The following ADAMTS20 variants were observed in gnomAD, a reference collection of about 807,000 sequenced individuals.
The protein encoded by ADAMTS20 is ADAM metallopeptidase with thrombospondin type 1 motif 20, also known as A disintegrin and metalloproteinase with thrombospondin motifs 20.
Under a neutral mutation model 260.1 loss-of-function variants are expected in ADAMTS20, and 225 were observed. The observed-to-expected ratio is 0.87, with a 90% CI of 0.78 to 0.97. The LOEUF is 0.97. Among genes scored for constraint, ADAMTS20 ranks in the 50% least tolerant of loss-of-function variants. The pLI is 0.00. For missense variants in ADAMTS20, 2,400 were observed against 2,337.7 expected (o/e 1.03, Z -0.55); for synonymous variants, 802 against 769.5 (o/e 1.04, Z -0.70).
At chr12:43,517,462 C>T (rs1943014949) in intron 3 of ADAMTS20, among the ~76,000 whole-genome samples, 2 of 151,796 alleles carry the variant, frequency 1.3e-5, no homozygotes, top group Non-Finnish European at 2.9e-5. Flanking sequence ...AAAGAAAACC[C>T]ACCAAATGCC....
chr12:43,416,831 T>C (rs1280858879), intron 28 of ADAMTS20, among the ~76,000 whole-genome samples: 2 of 152,194 alleles, frequency 1.3e-5, no homozygotes, highest in African/African-American at 4.8e-5. Flanking sequence ...CAAACTGAAC[T>C]ACTTTTTTCT....
At chr12:43,491,042 T>C (rs545807203) in intron 6 of ADAMTS20, among the ~76,000 whole-genome samples, 1 of 152,240 alleles carries the variant, frequency 6.6e-6, no homozygotes, top group South Asian at 2.1e-4. Context: ...AATTCTACTT[T>C]AGTTTTGAAA....
chr12:43,516,284 C>T (rs933811154), intron 3 of ADAMTS20, among the ~76,000 whole-genome samples: 6 of 152,176 alleles, frequency 3.9e-5, no homozygotes, highest in African/African-American at 9.7e-5. Flanking sequence ...TGAATGCAGC[C>T]CAGTCAGACG....
intron 18 of ADAMTS20, among the ~76,000 whole-genome samples, chr12:43,436,930 A>G (rs901088903): frequency 2.0e-5 from 3 of 152,194 alleles, no homozygotes; most frequent in African/African-American, 7.2e-5. Flanking sequence ...GACATATGAG[A>G]GGGCTACTTA....
rs1943041214 is a variant in ADAMTS20, at chr12:43,519,385, C to T, written c.613+12651G>A. ...TGATTTCCTACAACCCTCTTTCCTCCCTCACTGCACTTGTACAGGATAGTC... is the reference window on the plus strand; with the variant it reads ...TGATTTCCTACAACCCTCTTTCCTCTCTCACTGCACTTGTACAGGATAGTC... On this transcript the variant is annotated intron_variant, in intron 3 of 38. Coordinates refer to ENST00000389420, the MANE Select transcript of ADAMTS20 (RefSeq NM_025003.5). Among the ~76,000 whole-genome samples, 3 of 152,188 alleles carry T rather than the reference C, an allele frequency of 2.0e-5. No homozygotes were observed. In the South Asian group the frequency reaches 6.2e-4, roughly 32 times the overall value.
At chr12:43,355,134 G>T (rs1939717147) in intron 38 of ADAMTS20, among the ~76,000 whole-genome samples, 1 of 152,192 alleles carries the variant, frequency 6.6e-6, no homozygotes, top group Non-Finnish European at 1.5e-5. Context: ...TTTTGAGATG[G>T]AAGAATGTTT....
chr12:43,403,077 T>C (rs1940843992), intron 28 of ADAMTS20, among the ~76,000 whole-genome samples: 1 of 152,154 alleles, frequency 6.6e-6, no homozygotes, highest in African/African-American at 2.4e-5. Flanking sequence ...TTTAGAGTTG[T>C]TCTAGTTGGC....
chr12:43,358,381 T>A (rs1170970977), intron 37 of ADAMTS20, among the ~76,000 whole-genome samples: 2 of 152,106 alleles, frequency 1.3e-5, no homozygotes, highest in East Asian at 1.9e-4. Context: ...TCAAAAAAAA[T>A]GGTAAAACAA....
chr12:43,499,403 A>G (rs191758378), intron 4 of ADAMTS20, among the ~76,000 whole-genome samples: 1 of 152,238 alleles, frequency 6.6e-6, no homozygotes, highest in Non-Finnish European at 1.5e-5. Flanking sequence ...ATTCCCTTCA[A>G]TTAACTCTGG....
intron 12 of ADAMTS20, 129 bp downstream of exon 12, chr12:43,453,778 T>C: frequency 1.0e-6 from 1 of 969,838 alleles, no homozygotes; most frequent in Non-Finnish European, 1.5e-6. Context: ...TGACTTAAAG[T>C]GCTCCAGAAA....
intron 2 of ADAMTS20, among the ~76,000 whole-genome samples, chr12:43,547,984 C>A (rs1266075406): frequency 6.6e-6 from 1 of 152,162 alleles, no homozygotes; most frequent in African/African-American, 2.4e-5. Flanking sequence ...CTCTCCCAAA[C>A]AATACAAAGA....
At chr12:43,482,747 T>C (rs569696890) in intron 7 of ADAMTS20, among the ~76,000 whole-genome samples, 12 of 152,240 alleles carry the variant, frequency 7.9e-5, no homozygotes, top group Admixed American at 7.2e-4. Flanking sequence ...GCTCCACCCA[T>C]TGCCTGAGAC....
Position 43,376,229 on chromosome 12 carries a change from A to T in ADAMTS20, c.5220+7T>A. The T allele has an allele frequency of 6.5e-7, 1 of 1,541,018 alleles. No homozygotes were observed. Among genetic ancestry groups the T allele is most frequent in the Non-Finnish European group, 8.8e-7 (1 of 1,140,870 alleles). ...TTAAAATAAAAAAGGAACTGTTTTC[A>T]TAATACCTTTATTATTCTTCCCTTA... On this transcript the variant is annotated splice_region_variant and intron_variant, in intron 34 of 38. Transcript: ENST00000389420.
intron 2 of ADAMTS20, among the ~76,000 whole-genome samples, chr12:43,534,604 T>C (rs1943268453): frequency 6.6e-6 from 1 of 152,152 alleles, no homozygotes; most frequent in African/African-American, 2.4e-5. Flanking sequence ...TTACATAAAC[T>C]TTAGCACAAC....
chr12:43,384,481 T>A (rs909477665), intron 29 of ADAMTS20, among the ~76,000 whole-genome samples: 2 of 152,200 alleles, frequency 1.3e-5, no homozygotes, highest in African/African-American at 4.8e-5. Context: ...TACTTTAAGT[T>A]CTGGGATACA....
chr12:43,355,455 A>G (rs976516484), intron 38 of ADAMTS20, among the ~76,000 whole-genome samples: 1 of 152,238 alleles, frequency 6.6e-6, no homozygotes, highest in Non-Finnish European at 1.5e-5. Flanking sequence ...AATCTTGAGA[A>G]GTTAATAAAA....
chr12:43,394,086 T>C (rs1285944231), intron 29 of ADAMTS20, among the ~76,000 whole-genome samples: 1 of 152,140 alleles, frequency 6.6e-6, no homozygotes. Context: ...GCAGCCATTT[T>C]ATGACCATTA....
intron 37 of ADAMTS20, among the ~76,000 whole-genome samples, chr12:43,363,015 A>G (rs1939906960): frequency 6.6e-6 from 1 of 152,010 alleles, no homozygotes; most frequent in Admixed American, 6.6e-5. Flanking sequence ...ACTGTTAAAT[A>G]ATAAATTTGT....
chr12:43,407,247 T>C (rs1054772395), intron 28 of ADAMTS20, among the ~76,000 whole-genome samples: 41 of 152,026 alleles, frequency 2.7e-4, no homozygotes, highest in Admixed American at 2.6e-3. Flanking sequence ...GCAAATATAT[T>C]TGACTCTCAA....
Sources: allele counts gnomAD v4.1 joint callset (sites outside exome capture counted in the v4.1 genomes callset), GRCh38; gene constraint gnomAD v4.1.1; transcripts MANE v1.5; gene names NCBI Gene and HGNC (gene_info 2026-07-23, HGNC 2026-07-21).